Variants in SOX6 observed in about 807,000 individuals in gnomAD.
The protein encoded by SOX6 is SRY-box transcription factor 6, also known as transcription factor SOX-6.
In SOX6, 11 loss-of-function variants were observed where a neutral mutation model predicts 97.8. That is an observed-to-expected ratio of 0.11 (90% CI 0.07 to 0.19). The LOEUF (loss-of-function observed/expected upper bound fraction) is 0.19, where lower values mean the gene tolerates loss of function less well. Among genes scored for constraint, SOX6 ranks in the 10% least tolerant of loss-of-function variants. The pLI, the probability that SOX6 is intolerant of heterozygous loss-of-function variation, is 1.00. For synonymous variants in SOX6, 360 were observed against 371.4 expected (o/e 0.97, Z 0.35); for missense variants, 810 against 1,039.5 (o/e 0.78, Z 3.04).
intron 1 of SOX6, among the ~76,000 whole-genome samples, chr11:16,352,247 AGAT>A (rs1237725947): frequency 2.2e-5 from 3 of 135,820 alleles, no homozygotes; most frequent in South Asian, 4.8e-4. Flanking sequence ...ACCAATGGGC[AGAT>A]GATGGATGGA....
chr11:16,431,344 C>A (rs1859268379), intron 1 of SOX6, among the ~76,000 whole-genome samples: 1 of 151,982 alleles, frequency 6.6e-6, no homozygotes, highest in South Asian at 2.1e-4. Flanking sequence ...TCACTATCTC[C>A]CCATTCTCTC....
At chr11:16,520,923 G>A (rs1216623119) in intron 4 of SOX6, among the ~76,000 whole-genome samples, 1 of 152,230 alleles carries the variant, frequency 6.6e-6, no homozygotes, top group Non-Finnish European at 1.5e-5. Flanking sequence ...GCGAGGCTGG[G>A]GGAGGGGTGC....
chr11:16,115,473 A>T (rs1194853112), intron 6 of SOX6, among the ~76,000 whole-genome samples: 1 of 152,130 alleles, frequency 6.6e-6, no homozygotes, highest in Non-Finnish European at 1.5e-5. Context: ...CCCCGTCAAG[A>T]GTCTTTGAAT....
intron 3 of SOX6, among the ~76,000 whole-genome samples, chr11:16,269,781 A>C (rs1854195283): frequency 6.6e-6 from 1 of 151,220 alleles, no homozygotes; most frequent in Admixed American, 6.6e-5. Context: ...TAATTGTTGT[A>C]TATTAATTTT....
At chr11:16,559,947 G>C (rs1311206266) in intron 4 of SOX6, among the ~76,000 whole-genome samples, 3 of 151,992 alleles carry the variant, frequency 2.0e-5, no homozygotes, top group African/African-American at 7.2e-5. Flanking sequence ...CCAAATGTTT[G>C]AAATTTTTGG....
intron 13 of SOX6, among the ~76,000 whole-genome samples, chr11:16,014,518 C>G (rs1002318989): frequency 1.3e-5 from 2 of 152,058 alleles, no homozygotes; most frequent in Admixed American, 6.6e-5. Flanking sequence ...GTATCAAAAT[C>G]ACTTTATGCC....
At chr11:16,260,041 C>T (rs1338083980) in intron 3 of SOX6, among the ~76,000 whole-genome samples, 2 of 151,644 alleles carry the variant, frequency 1.3e-5, no homozygotes, top group African/African-American at 4.9e-5. Context: ...TCGCTGTCAT[C>T]CAGCTTGGAG....
chr11:16,149,487 G>A (rs1445909632), intron 6 of SOX6, among the ~76,000 whole-genome samples: 2 of 152,038 alleles, frequency 1.3e-5, no homozygotes, highest in Non-Finnish European at 2.9e-5. Flanking sequence ...GGAAATAGGA[G>A]TCTGATAGGT....
intron 3 of SOX6, among the ~76,000 whole-genome samples, chr11:16,627,027 T>C (rs1848632330): frequency 6.6e-6 from 1 of 152,196 alleles, no homozygotes; most frequent in Non-Finnish European, 1.5e-5. Context: ...TTTATGTACA[T>C]GTGTACTCAA....
intron 6 of SOX6, among the ~76,000 whole-genome samples, chr11:16,162,683 A>T (rs1850782929): frequency 6.6e-6 from 1 of 152,230 alleles, no homozygotes; most frequent in African/African-American, 2.4e-5. Context: ...CTGCAGAACC[A>T]TGAGCCTTTT....
At chr11:16,214,733 A>T (rs1223483356) in intron 4 of SOX6, among the ~76,000 whole-genome samples, 2 of 150,502 alleles carry the variant, frequency 1.3e-5, no homozygotes, top group African/African-American at 4.9e-5. Flanking sequence ...TTCCCCCTCA[A>T]GCACTGGAAC....
At chr11:16,311,400 A>G (rs1218026703) in intron 3 of SOX6, 2 of 152,190 alleles carry the variant, frequency 1.3e-5, no homozygotes, top group African/African-American at 4.8e-5. Context: ...ATACAGATTT[A>G]CAGATGAGGG....
At chr11:16,333,823 G>T (rs568920087) in intron 2 of SOX6, among the ~76,000 whole-genome samples, 2 of 152,098 alleles carry the variant, frequency 1.3e-5, no homozygotes, top group Non-Finnish European at 2.9e-5. Context: ...TGGTCATATA[G>T]AAGTATTTGC....
chr11:16,440,168 G>A (rs992292280), intron 1 of SOX6, among the ~76,000 whole-genome samples: 1 of 152,146 alleles, frequency 6.6e-6, no homozygotes, highest in African/African-American at 2.4e-5. Context: ...CAAATTAAAC[G>A]CACTGCTGGT....
intron 4 of SOX6, among the ~76,000 whole-genome samples, chr11:16,579,050 A>G (rs988129468): frequency 4.6e-5 from 7 of 152,098 alleles, no homozygotes; most frequent in Admixed American, 4.6e-4. Flanking sequence ...CCCAAAATCC[A>G]ATGACAACCA....
At chr11:16,284,654 A>T (rs1187596372) in intron 3 of SOX6, among the ~76,000 whole-genome samples, 1 of 152,154 alleles carries the variant, frequency 6.6e-6, no homozygotes, top group Non-Finnish European at 1.5e-5. Flanking sequence ...TTACTAGGGA[A>T]TACAGGTACA....
intron 9 of SOX6, among the ~76,000 whole-genome samples, chr11:16,071,551 T>G (rs549632237): frequency 6.1e-5 from 9 of 146,986 alleles, no homozygotes; most frequent in African/African-American, 2.3e-4. Context: ...GAAAACACCC[T>G]GATAGCAGGG....
At chr11:16,543,009 C>T (rs1160191073) in intron 4 of SOX6, among the ~76,000 whole-genome samples, 1 of 151,904 alleles carries the variant, frequency 6.6e-6, no homozygotes, top group African/African-American at 2.4e-5. Context: ...TACATACATA[C>T]ACTTACACAC....
chr11:16,476,548 A>G (rs1317848616), upstream of SOX6, among the ~76,000 whole-genome samples: 18 of 152,346 alleles, frequency 1.2e-4, no homozygotes, highest in East Asian at 3.3e-3. Context: ...TAATGCCAAA[A>G]GAAACAATTA....
Sources: gnomAD v4.1 joint callset for allele counts (sites outside exome capture counted in the v4.1 genomes callset) on GRCh38, gnomAD v4.1.1 for gene constraint, MANE v1.5 for transcripts, NCBI Gene and HGNC (gene_info 2026-07-23, HGNC 2026-07-21) for gene names.